Variants in CDH6 observed in about 807,000 individuals in gnomAD.
CDH6 encodes the protein cadherin 6.
In CDH6, 31 loss-of-function variants were observed where a neutral mutation model predicts 78.0. The ratio of observed to expected loss-of-function variants is 0.40; its 90% CI spans 0.30 to 0.54. The LOEUF is 0.54. Among genes scored for constraint, CDH6 ranks in the 20% least tolerant of loss-of-function variants. The probability of loss-of-function intolerance (pLI) is 0.56; values close to 1 mark genes in which losing one functional copy is unlikely to be tolerated. For missense variants in CDH6, 724 were observed against 975.9 expected (o/e 0.74, Z 3.44); for synonymous variants, 376 against 368.8 (o/e 1.02, Z -0.23).
At chr5:31,195,276 G>C (rs1004450435) in intron 1 of CDH6, among the ~76,000 whole-genome samples, 2 of 151,964 alleles carry the variant, frequency 1.3e-5, no homozygotes, top group African/African-American at 4.8e-5. Flanking sequence ...ATCAAAATGT[G>C]GGCTTTCTGA....
At chr5:31,236,200 T>C (rs1335877316) in intron 1 of CDH6, among the ~76,000 whole-genome samples, 1 of 152,222 alleles carries the variant, frequency 6.6e-6, no homozygotes, top group Non-Finnish European at 1.5e-5. Flanking sequence ...TGGCTAAATT[T>C]AAGTAGTTTT....
chr5:31,293,839 A>G, intron 2 of CDH6, 123 bp from the exon 3 acceptor site: 1 of 574,122 alleles, frequency 1.7e-6, no homozygotes, highest in Non-Finnish European at 2.9e-6. Flanking sequence ...GTAAAAAAAA[A>G]AAAACTTGTA....
At chr5:31,245,537 C>T (rs896159729) in intron 1 of CDH6, among the ~76,000 whole-genome samples, 8 of 152,192 alleles carry the variant, frequency 5.3e-5, no homozygotes, top group African/African-American at 1.9e-4. Context: ...TGTGTCCCAG[C>T]TCACGGGGGT....
intron 1 of CDH6, among the ~76,000 whole-genome samples, chr5:31,205,733 CT>C (rs1468900230): frequency 1.3e-5 from 2 of 151,784 alleles, no homozygotes; most frequent in Non-Finnish European, 2.9e-5. Flanking sequence ...AAGTGAATGA[CT>C]TTTTTTTGCC....
At chr5:31,316,769 T>G (rs2962788) in intron 9 of CDH6, among the ~76,000 whole-genome samples, 76,843 of 152,024 alleles carry the variant, frequency 0.51, 19,817 homozygotes, top group Non-Finnish European at 0.54. Context: ...CATGAAATAG[T>G]TCTTTGCTGC....
At chr5:31,310,180 G>C (rs963454302) in intron 7 of CDH6, among the ~76,000 whole-genome samples, 1 of 152,244 alleles carries the variant, frequency 6.6e-6, no homozygotes, top group Non-Finnish European at 1.5e-5. Context: ...TGGGGTTACA[G>C]GTATTGGGTA....
At chr5:31,322,484 T>C (rs1337864496) in intron 11 of CDH6, among the ~76,000 whole-genome samples, 1 of 152,212 alleles carries the variant, frequency 6.6e-6, no homozygotes, top group Non-Finnish European at 1.5e-5. Flanking sequence ...CTGATTGCAG[T>C]ACTTTCACTG....
intron 11 of CDH6, chr5:31,318,344 A>G: frequency 3.0e-6 from 1 of 335,072 alleles, no homozygotes; most frequent in Non-Finnish European, 5.5e-6. Context: ...GAAAGTGGGA[A>G]GAGGAGTATG....
chr5:31,269,283 CG>C (rs774674205), intron 2 of CDH6, among the ~76,000 whole-genome samples: 6 of 89,640 alleles, frequency 6.7e-5, no homozygotes, highest in East Asian at 3.8e-4. Context: ...AAAAAAAAAG[CG>C]GGGGGGGCAG....
Position 31,304,318 on chromosome 5 carries a change from G to A in CDH6, c.1000-856G>A, listed in dbSNP as rs114140025. On this transcript the variant is annotated intron_variant, in intron 6 of 11. Transcript: ENST00000265071. ...TAATAATGTAGATATTAATCTGCACGCCCAGATATGTTGGTTTAATGGTCC... is the reference window on the plus strand; with the variant it reads ...TAATAATGTAGATATTAATCTGCACACCCAGATATGTTGGTTTAATGGTCC... Among the ~76,000 whole-genome samples, 853 of 152,150 alleles carry A rather than the reference G, an allele frequency of 5.6e-3. 6 individuals are homozygous for A. Among genetic ancestry groups the A allele is most frequent in the African/African-American group, 0.02 (825 of 41,492 alleles).
In CDH6 at chr5:31,328,173, T is replaced by TA; in HGVS notation, c.*4865_*4866insA. The stretch of plus-strand genomic sequence containing the variant: ...AAAGAGCTTTTACAAGTTGCTTAAT[T>TA]CCTTTTTTTTTTTTTTTTTTTTTCA... On this transcript the variant is annotated 3_prime_UTR_variant, in exon 12 of 12. Coordinates refer to ENST00000265071, the MANE Select transcript of CDH6 (RefSeq NM_004932.4). 5.3e-6 allele frequency: 1 copy of TA among 187,596 alleles called. No individual in the cohort carries two copies. Among genetic ancestry groups the TA allele is most frequent in the Non-Finnish European group, 1.1e-5 (1 of 95,170 alleles). The allele number at this position is 187,596 out of a possible 1,614,324, so 11.6% of individuals were successfully genotyped here.
chr5:31,285,711 C>T lies in CDH6; in HGVS notation c.229-8251C>T, dbSNP rs1327430278. Among the ~76,000 whole-genome samples, 5 of 152,300 alleles carry T rather than the reference C, an allele frequency of 3.3e-5. No homozygotes were observed. In the South Asian group the frequency reaches 8.3e-4, roughly 25 times the overall value. ...TGAAATATAGTTCGGTAAAATCTTGCAGCTTTTTCACCATTAACAGATGAC... is the reference window on the plus strand; with the variant it reads ...TGAAATATAGTTCGGTAAAATCTTGTAGCTTTTTCACCATTAACAGATGAC... On this transcript the variant is annotated intron_variant, in intron 2 of 11. Transcript: ENST00000265071.
chr5:31,302,364 C>A, intron 6 of CDH6, 66 bp downstream of exon 6: 2 of 1,162,188 alleles, frequency 1.7e-6, no homozygotes, highest in Non-Finnish European at 2.5e-6. Context: ...CCTAAGTTAC[C>A]AGGGGCAATT....
At chr5:31,281,335 G>A (rs2149940509) in intron 2 of CDH6, among the ~76,000 whole-genome samples, 1 of 151,072 alleles carries the variant, frequency 6.6e-6, no homozygotes, top group East Asian at 1.9e-4. Context: ...AAGGGGGCTG[G>A]GGGAGTGTGT....
At chr5:31,319,302 G>A (rs147135880) in intron 11 of CDH6, among the ~76,000 whole-genome samples, 83 of 152,254 alleles carry the variant, frequency 5.5e-4, no homozygotes, top group African/African-American at 2.0e-3. Context: ...CTCATGACTT[G>A]TAATTGGCCT....
chr5:31,235,886 T>C (rs1477131539), intron 1 of CDH6, among the ~76,000 whole-genome samples: 1 of 152,218 alleles, frequency 6.6e-6, no homozygotes, highest in Non-Finnish European at 1.5e-5. Flanking sequence ...TTTCTTTTCC[T>C]TTGATCAGAA....
At chr5:31,263,581 C>G (rs1742269531) in intron 1 of CDH6, among the ~76,000 whole-genome samples, 2 of 151,858 alleles carry the variant, frequency 1.3e-5, no homozygotes, top group Non-Finnish European at 2.9e-5. Flanking sequence ...CTGCACTTGG[C>G]CTCTCTTCCT....
intron 4 of CDH6, among the ~76,000 whole-genome samples, chr5:31,298,897 G>C (rs1410015045): frequency 6.6e-6 from 1 of 152,106 alleles, no homozygotes; most frequent in Non-Finnish European, 1.5e-5. Flanking sequence ...TGATCATTAT[G>C]AGAGAATTGA....
At chr5:31,247,356 T>G (rs1393591487) in intron 1 of CDH6, among the ~76,000 whole-genome samples, 1 of 152,200 alleles carries the variant, frequency 6.6e-6, no homozygotes, top group Non-Finnish European at 1.5e-5. Context: ...AAGTAACATG[T>G]CCAAAGACTC....
Sources: gnomAD v4.1 joint callset for allele counts (sites outside exome capture counted in the v4.1 genomes callset) on GRCh38, gnomAD v4.1.1 for gene constraint, MANE v1.5 for transcripts, NCBI Gene and HGNC (gene_info 2026-07-23, HGNC 2026-07-21) for gene names.